FAT3: variants seen among roughly 807,000 people sequenced by gnomAD.
FAT3 encodes the protein protocadherin Fat 3.
Under a neutral mutation model 310.2 loss-of-function variants are expected in FAT3, and 95 were observed. The observed-to-expected ratio is 0.31, with a 90% CI of 0.26 to 0.36. The LOEUF is 0.36. FAT3 is among the 10% of genes least tolerant of loss of function. FAT3 has a pLI of 1.00. For synonymous variants in FAT3, 2,314 were observed against 2,192.9 expected (o/e 1.06, Z -1.54); for missense variants, 5,408 against 5,715.6 (o/e 0.95, Z 1.74).
intron 3 of FAT3, among the ~76,000 whole-genome samples, chr11:92,604,308 T>C (rs1940171808): frequency 6.6e-6 from 1 of 152,212 alleles, no homozygotes; most frequent in Admixed American, 6.5e-5. Flanking sequence ...TAATTATGAC[T>C]TTGTACTCAG....
At chr11:92,573,495 T>C (rs1464196427) in intron 3 of FAT3, among the ~76,000 whole-genome samples, 1 of 152,194 alleles carries the variant, frequency 6.6e-6, no homozygotes, top group Non-Finnish European at 1.5e-5. Context: ...TCCTGGTGCC[T>C]GAGAATGTAA....
At chr11:92,679,841 CAAA>C (rs71064721) in intron 3 of FAT3, among the ~76,000 whole-genome samples, 1 of 57,252 alleles carries the variant, frequency 1.7e-5, no homozygotes, top group Admixed American at 2.4e-4. Context: ...GACTCCATCT[CAAA>C]AAAAAAAAAA....
chr11:92,490,538 T>G (rs988683957), intron 2 of FAT3, among the ~76,000 whole-genome samples: 1 of 152,052 alleles, frequency 6.6e-6, no homozygotes, highest in African/African-American at 2.4e-5. Context: ...GTGGGGTTTT[T>G]GTTTGTTTGT....
At chr11:92,749,135 T>C (rs530234553) in intron 4 of FAT3, 1 of 152,214 alleles carries the variant, frequency 6.6e-6, no homozygotes, top group African/African-American at 2.4e-5. Context: ...GTATTTAAGG[T>C]TTGTGAAACA....
At chr11:92,330,368 A>G (rs1424078693) in intron 1 of FAT3, among the ~76,000 whole-genome samples, 1 of 152,232 alleles carries the variant, frequency 6.6e-6, no homozygotes, top group African/African-American at 2.4e-5. Context: ...TGGAGAATCT[A>G]GCAGAGCTAT....
Position 92,799,393 on chromosome 11 carries a change from A to G in FAT3, c.6380A>G (p.Tyr2127Cys). 6.2e-7 allele frequency: 1 copy of G among 1,613,728 alleles called. No homozygotes were observed. Among genetic ancestry groups the G allele is most frequent in the Non-Finnish European group, 8.5e-7 (1 of 1,179,762 alleles). Residue 2127 changes from tyrosine to cysteine, a missense_variant, in exon 10 of 28, where the codon TAT becomes TGT. Physicochemically the swap from Tyr to Cys is radical, Grantham distance 194. This residue lies in a region of FAT3 where 4,588 missense variants were observed against 4,809.8 expected (regional missense o/e 0.95). Transcript: ENST00000525166. The part of the protein sequence containing the change: ...GEVTYVLQDD[Y>C]GHFEINPNSG... ...GTGACCTATGTCCTGCAGGATGACT[A>G]TGGCCACTTTGAAATTAACCCTAAT...
intron 2 of FAT3, among the ~76,000 whole-genome samples, chr11:92,359,366 C>T (rs904066452): frequency 2.0e-5 from 3 of 152,000 alleles, no homozygotes; most frequent in African/African-American, 7.2e-5. Context: ...GAATGCCTTC[C>T]GAATGGATAA....
chr11:92,520,784 T>G (rs1473657346), intron 2 of FAT3, among the ~76,000 whole-genome samples: 2 of 152,146 alleles, frequency 1.3e-5, no homozygotes, highest in African/African-American at 4.8e-5. Context: ...AAATTTGTCC[T>G]CAAATTTTTG....
chr11:92,821,249 G>C (rs1947961839), intron 13 of FAT3, among the ~76,000 whole-genome samples: 2 of 152,150 alleles, frequency 1.3e-5, no homozygotes, highest in South Asian at 4.1e-4. Context: ...TGGCAAAGCT[G>C]GATTGAAAAG....
chr11:92,386,861 C>G (rs1949635688), intron 2 of FAT3, among the ~76,000 whole-genome samples: 1 of 152,184 alleles, frequency 6.6e-6, no homozygotes, highest in Non-Finnish European at 1.5e-5. Flanking sequence ...CGTAAGTGGA[C>G]TATATCATGC....
At chr11:92,815,301 A>G (rs529907700) in intron 13 of FAT3, among the ~76,000 whole-genome samples, 5 of 152,184 alleles carry the variant, frequency 3.3e-5, no homozygotes, top group African/African-American at 1.2e-4. Flanking sequence ...TGGGCTGGGC[A>G]CGGTGGCTCA....
At chr11:92,358,953 A>C (rs1948806682) in intron 2 of FAT3, among the ~76,000 whole-genome samples, 1 of 152,154 alleles carries the variant, frequency 6.6e-6, no homozygotes, top group Admixed American at 6.5e-5. Context: ...AAGTCTTTTA[A>C]AACCTTTAAG....
intron 1 of FAT3, among the ~76,000 whole-genome samples, chr11:92,311,221 C>T (rs1947296602): frequency 6.6e-6 from 1 of 151,930 alleles, no homozygotes; most frequent in South Asian, 2.1e-4. Context: ...TTGCCCATCA[C>T]TATGGAATTT....
chr11:92,811,545 C>G (rs1400194077), intron 13 of FAT3, among the ~76,000 whole-genome samples: 2 of 152,072 alleles, frequency 1.3e-5, no homozygotes, highest in Non-Finnish European at 2.9e-5. Flanking sequence ...TTGTGAAGAA[C>G]ATACTATGTC....
At chr11:92,404,027 T>A (rs1230522519) in intron 2 of FAT3, among the ~76,000 whole-genome samples, 1 of 148,084 alleles carries the variant, frequency 6.8e-6, no homozygotes, top group East Asian at 2.0e-4. Flanking sequence ...AGAACAAGAG[T>A]CCGTCAAGAA....
intron 2 of FAT3, among the ~76,000 whole-genome samples, chr11:92,516,593 C>T (rs912486502): frequency 6.6e-6 from 1 of 152,118 alleles, no homozygotes; most frequent in African/African-American, 2.4e-5. Context: ...CAAGGATGCC[C>T]TCTCTCACCA....
chr11:92,510,598 A>G (rs1237592024), intron 2 of FAT3, among the ~76,000 whole-genome samples: 2 of 152,234 alleles, frequency 1.3e-5, no homozygotes, highest in Non-Finnish European at 2.9e-5. Context: ...TGAAAACTTC[A>G]AGAAGCAAGT....
At chr11:92,821,288 T>C (rs1947962436) in intron 13 of FAT3, among the ~76,000 whole-genome samples, 1 of 152,204 alleles carries the variant, frequency 6.6e-6, no homozygotes, top group African/African-American at 2.4e-5. Context: ...GCCTAATGCT[T>C]TTTTGTATAC....
chr11:92,236,383 C>G (rs1864421894), intron 1 of FAT3, among the ~76,000 whole-genome samples: 1 of 152,260 alleles, frequency 6.6e-6, no homozygotes, highest in Admixed American at 6.5e-5. Context: ...TTAAATCCCC[C>G]TCTCCTTTTT....
Sources: gnomAD v4.1 joint callset for allele counts (sites outside exome capture counted in the v4.1 genomes callset) on GRCh38, gnomAD v4.1.1 for gene constraint, gnomAD v4.1.1 regional missense constraint, MANE v1.5 for transcripts, NCBI Gene and HGNC (gene_info 2026-07-23, HGNC 2026-07-21) for gene names.